Variants in ADAMTSL1 observed in about 807,000 individuals in gnomAD.
The protein encoded by ADAMTSL1 is ADAMTS-like protein 1.
In ADAMTSL1, 126 loss-of-function variants were observed where a neutral mutation model predicts 201.8. The ratio of observed to expected loss-of-function variants is 0.62; its 90% CI spans 0.54 to 0.72. The LOEUF (loss-of-function observed/expected upper bound fraction) is 0.72. Among genes scored for constraint, ADAMTSL1 ranks in the 30% least tolerant of loss-of-function variants. ADAMTSL1 has a pLI of 0.00. For missense variants in ADAMTSL1, 2,679 were observed against 2,277.8 expected (o/e 1.18, Z -3.59); for synonymous variants, 1,121 against 903.4 (o/e 1.24, Z -4.32).
intron 2 of ADAMTSL1, among the ~76,000 whole-genome samples, chr9:18,347,078 G>A (rs1006327723): frequency 3.9e-5 from 6 of 152,094 alleles, no homozygotes; most frequent in Non-Finnish European, 8.8e-5. Flanking sequence ...TCCAAGCTTT[G>A]CAGAGGCTCA....
In ADAMTSL1 at chr9:18,053,845, C is replaced by A. The variant is rs139302226; in HGVS notation, c.88-110017C>A. 1.4e-3 allele frequency among the ~76,000 whole-genome samples: 209 copies of A among 152,312 alleles called. 1 individual carries two copies. Among genetic ancestry groups the A allele is most frequent in the African/African-American group, 4.8e-3 (201 of 41,572 alleles). On this transcript the variant is annotated intron_variant, in intron 1 of 29. Transcript: ENST00000680146. Reference sequence around the variant, plus strand: ...TAACTCTTGGTGTGTATCGTCAAAACCCTAACAGATATCAGGCAATGTCTT... The same window carrying A: ...TAACTCTTGGTGTGTATCGTCAAAAACCTAACAGATATCAGGCAATGTCTT...
At chr9:18,171,214 T>A (rs149300241) in intron 2 of ADAMTSL1, among the ~76,000 whole-genome samples, 77 of 152,006 alleles carry the variant, frequency 5.1e-4, no homozygotes, top group African/African-American at 1.8e-3. Context: ...TAGACACATA[T>A]AAAAAAGAAC....
At chr9:18,100,505 C>T (rs1281493604) in intron 1 of ADAMTSL1, among the ~76,000 whole-genome samples, 1 of 152,134 alleles carries the variant, frequency 6.6e-6, no homozygotes, top group Non-Finnish European at 1.5e-5. Context: ...CTTGCATCAG[C>T]GTAGTTTTTC....
At chr9:18,081,129 G>C (rs1257515923) in intron 1 of ADAMTSL1, among the ~76,000 whole-genome samples, 1 of 152,264 alleles carries the variant, frequency 6.6e-6, no homozygotes, top group East Asian at 1.9e-4. Flanking sequence ...ATTTTTGGCA[G>C]TTTGCAGCTT....
intron 1 of ADAMTSL1, among the ~76,000 whole-genome samples, chr9:17,946,853 A>G (rs1827507546): frequency 6.6e-6 from 1 of 152,140 alleles, no homozygotes; most frequent in South Asian, 2.1e-4. Context: ...GTGTTTTGGC[A>G]TTTTATTGAT....
intron 2 of ADAMTSL1, among the ~76,000 whole-genome samples, chr9:18,372,640 C>A (rs9406746): frequency 5.3e-5 from 8 of 151,850 alleles, no homozygotes. Context: ...GTGTGTTCAC[C>A]AACATTATAA....
chr9:18,838,792 G>C (rs1406904723), intron 23 of ADAMTSL1, among the ~76,000 whole-genome samples: 4 of 151,678 alleles, frequency 2.6e-5, no homozygotes, highest in African/African-American at 7.3e-5. Flanking sequence ...CCTGGAGGGA[G>C]GCTGCAAGTG....
intron 2 of ADAMTSL1, among the ~76,000 whole-genome samples, chr9:18,191,496 A>G (rs1013657222): frequency 2.6e-5 from 4 of 152,142 alleles, no homozygotes; most frequent in Non-Finnish European, 5.9e-5. Flanking sequence ...GAACCTCACA[A>G]GTTCAGCCTA....
chr9:17,920,625 A>G (rs888297993), intron 1 of ADAMTSL1, among the ~76,000 whole-genome samples: 1 of 152,170 alleles, frequency 6.6e-6, no homozygotes, highest in Non-Finnish European at 1.5e-5. Context: ...TCCATTTTAA[A>G]TCTAGATCCT....
chr9:18,641,197 TTTC>T (rs1251653560), intron 7 of ADAMTSL1, among the ~76,000 whole-genome samples: 2 of 152,090 alleles, frequency 1.3e-5, no homozygotes, highest in African/African-American at 4.8e-5. Context: ...CTACCTCTTA[TTTC>T]TTCTTCAAGA....
intron 13 of ADAMTSL1, among the ~76,000 whole-genome samples, chr9:18,700,378 A>T (rs566524187): frequency 6.6e-6 from 1 of 152,144 alleles, no homozygotes; most frequent in African/African-American, 2.4e-5. Flanking sequence ...TTCTCATCTC[A>T]TGTAAAAATG....
intron 13 of ADAMTSL1, among the ~76,000 whole-genome samples, chr9:18,704,090 T>C (rs1194659903): frequency 2.6e-5 from 4 of 152,120 alleles, no homozygotes; most frequent in Non-Finnish European, 5.9e-5. Context: ...AAATGTTTTT[T>C]TCTATAGCAG....
chr9:18,821,195 C>G (rs1441659940), intron 21 of ADAMTSL1, among the ~76,000 whole-genome samples: 1 of 152,172 alleles, frequency 6.6e-6, no homozygotes, highest in Non-Finnish European at 1.5e-5. Flanking sequence ...ATAGATTAGA[C>G]TCTGGTATCA....
intron 16 of ADAMTSL1, among the ~76,000 whole-genome samples, chr9:18,763,446 G>A (rs1252591420): frequency 1.3e-5 from 2 of 152,144 alleles, no homozygotes; most frequent in African/African-American, 2.4e-5. Flanking sequence ...CATTCTGTGG[G>A]TTGTCGCTTC....
intron 23 of ADAMTSL1, among the ~76,000 whole-genome samples, chr9:18,844,552 A>C (rs564223805): frequency 2.0e-5 from 3 of 152,324 alleles, no homozygotes; most frequent in South Asian, 4.1e-4. Context: ...TGGGAGAACC[A>C]CTGCTCTCTT....
At chr9:18,682,931 T>C (rs1830594403) in intron 12 of ADAMTSL1, among the ~76,000 whole-genome samples, 1 of 152,182 alleles carries the variant, frequency 6.6e-6, no homozygotes, top group Admixed American at 6.5e-5. Flanking sequence ...GGTGTAATAA[T>C]AGTATCTAAA....
At chr9:18,709,760 C>A (rs1462785690) in intron 14 of ADAMTSL1, among the ~76,000 whole-genome samples, 1 of 152,148 alleles carries the variant, frequency 6.6e-6, no homozygotes, top group African/African-American at 2.4e-5. Flanking sequence ...AGGAAAACAA[C>A]TCTGAGCCTG....
intron 6 of ADAMTSL1, among the ~76,000 whole-genome samples, chr9:18,638,257 C>G (rs1827221914): frequency 6.6e-6 from 1 of 152,074 alleles, no homozygotes; most frequent in Non-Finnish European, 1.5e-5. Flanking sequence ...TAGACCCCCT[C>G]TACAATAATG....
intron 2 of ADAMTSL1, among the ~76,000 whole-genome samples, chr9:18,168,723 C>T (rs1328144020): frequency 1.4e-5 from 2 of 145,418 alleles, no homozygotes; most frequent in Non-Finnish European, 3.1e-5. Context: ...AATGGTTGAA[C>T]TAGTTTACAG....
Sources: allele counts gnomAD v4.1 joint callset (sites outside exome capture counted in the v4.1 genomes callset), GRCh38; gene constraint gnomAD v4.1.1; transcripts MANE v1.5; gene names NCBI Gene and HGNC (gene_info 2026-07-23, HGNC 2026-07-21).